UBXN8: variants seen among roughly 807,000 people sequenced by gnomAD.
The protein encoded by UBXN8 is UBX domain-containing protein 8.
In UBXN8, 27 loss-of-function variants were observed where a neutral mutation model predicts 32.1. That is an observed-to-expected ratio of 0.84 (90% confidence interval 0.62 to 1.16). UBXN8 has a LOEUF of 1.16. UBXN8 is among the 50% of genes most tolerant of loss of function. The pLI is 0.00. For synonymous variants in UBXN8, 109 were observed against 111.8 expected (o/e 0.98, Z 0.16); for missense variants, 306 against 311.4 (o/e 0.98, Z 0.13).
At chr8:30,758,597 A>T (rs954341095) in intron 5 of UBXN8, among the ~76,000 whole-genome samples, 3 of 152,174 alleles carry the variant, frequency 2.0e-5, no homozygotes, top group Non-Finnish European at 4.4e-5. Context: ...CATAGTGGAG[A>T]TTGAGCAGGG....
chr8:30,750,405 G>A (rs1805488318), intron 1 of UBXN8, among the ~76,000 whole-genome samples: 1 of 152,158 alleles, frequency 6.6e-6, no homozygotes, highest in African/African-American at 2.4e-5. Flanking sequence ...GCCCCAGGAG[G>A]TTGAGGCTGC....
chr8:30,755,065 C>T (rs1292942997), intron 4 of UBXN8, among the ~76,000 whole-genome samples: 1 of 149,818 alleles, frequency 6.7e-6, no homozygotes. Flanking sequence ...ATGCCATTCT[C>T]CTGCCTCAGC....
At chr8:30,736,937 C>G (rs940883519) in intron 1 of UBXN8, among the ~76,000 whole-genome samples, 1 of 152,162 alleles carries the variant, frequency 6.6e-6, no homozygotes, top group Non-Finnish European at 1.5e-5. Context: ...CCCTGTCTCC[C>G]TCCCCCAAGA....
chr8:30,760,443 A>ATATTTTTTT (rs1196366158), intron 5 of UBXN8, among the ~76,000 whole-genome samples: 25 of 91,092 alleles, frequency 2.7e-4, no homozygotes, highest in African/African-American at 8.7e-4. Context: ...ATATATATAT[A>ATATTTTTTT]TTTTTTTTTT....
upstream of UBXN8, among the ~76,000 whole-genome samples, chr8:30,729,557 G>A (rs982046364): frequency 2.0e-5 from 3 of 152,172 alleles, no homozygotes; most frequent in Non-Finnish European, 4.4e-5. Context: ...GTGCGTGTGT[G>A]CCCTTTTTAC....
chr8:30,760,334 T>TA (rs1012210550), intron 5 of UBXN8, among the ~76,000 whole-genome samples: 2 of 150,276 alleles, frequency 1.3e-5, no homozygotes, highest in African/African-American at 4.9e-5. Flanking sequence ...GTGTCGGGAT[T>TA]ACAGGCATGA....
upstream of UBXN8, among the ~76,000 whole-genome samples, chr8:30,741,602 C>G (rs1158124544): frequency 6.6e-6 from 1 of 151,910 alleles, no homozygotes; most frequent in Admixed American, 6.6e-5. Context: ...CAGGTGTGAG[C>G]CACCATGCCA....
chr8:30,751,349 TA>T (rs774013210), intron 1 of UBXN8, 46 bp from the exon 2 acceptor site: 355 of 1,485,484 alleles, frequency 2.4e-4, no homozygotes, highest in Admixed American at 4.8e-4. Context: ...CCTCATCTCT[TA>T]AAAAAAAAGT....
chr8:30,760,271 C>G (rs1055345090), intron 5 of UBXN8, among the ~76,000 whole-genome samples: 69 of 149,234 alleles, frequency 4.6e-4, no homozygotes, highest in Admixed American at 3.8e-3. Flanking sequence ...ATGTGAGCCA[C>G]GCTGATCATG....
intron 6 of UBXN8, among the ~76,000 whole-genome samples, chr8:30,762,424 C>T (rs1049235841): frequency 6.6e-6 from 1 of 151,538 alleles, no homozygotes; most frequent in African/African-American, 2.4e-5. Context: ...GACTGAGTCT[C>T]ACCGCATTGC....
intron 1 of UBXN8, among the ~76,000 whole-genome samples, chr8:30,746,172 G>A (rs1805352666): frequency 2.0e-5 from 3 of 152,172 alleles, no homozygotes; most frequent in Admixed American, 2.0e-4. Flanking sequence ...TGGGCTCCTG[G>A]CAGCATCTTT....
upstream of UBXN8, chr8:30,744,108 G>T: frequency 7.3e-7 from 1 of 1,369,626 alleles, no homozygotes; most frequent in Non-Finnish European, 1.0e-6. Flanking sequence ...GCCGGCCCGC[G>T]GCAAGAAGAG....
upstream of UBXN8, among the ~76,000 whole-genome samples, chr8:30,731,522 T>C (rs1347310953): frequency 6.6e-6 from 1 of 152,096 alleles, no homozygotes; most frequent in Non-Finnish European, 1.5e-5. Context: ...CACTATCTCT[T>C]TTACAGAGCA....
upstream of UBXN8, chr8:30,732,317 A>C (rs1804979648): frequency 2.5e-6 from 1 of 398,204 alleles, no homozygotes; most frequent in Non-Finnish European, 4.4e-6. Context: ...CGGCACCTGG[A>C]GGACTGTGGG....
chr8:30,737,366 A>T (rs1196828325), intron 1 of UBXN8, among the ~76,000 whole-genome samples: 4 of 152,148 alleles, frequency 2.6e-5, no homozygotes, highest in Non-Finnish European at 4.4e-5. Context: ...CACATAATGG[A>T]GGGCAATCTG....
At chr8:30,755,100 C>T (rs910887618) in intron 4 of UBXN8, among the ~76,000 whole-genome samples, 8 of 151,574 alleles carry the variant, frequency 5.3e-5, no homozygotes, top group African/African-American at 1.5e-4. Context: ...GGACTACAGG[C>T]GCCTGCCACC....
At chr8:30,734,679 C>G (rs1338565235) in intron 1 of UBXN8, among the ~76,000 whole-genome samples, 1 of 152,094 alleles carries the variant, frequency 6.6e-6, no homozygotes, top group African/African-American at 2.4e-5. Context: ...TGGCTCATGC[C>G]TGTAATCCCA....
intron 6 of UBXN8, 118 bp downstream of exon 6, chr8:30,761,047 T>A: frequency 1.4e-6 from 1 of 692,644 alleles, no homozygotes; most frequent in Non-Finnish European, 2.3e-6. Flanking sequence ...TAAGTGTTCA[T>A]GTGATTATAC....
chr8:30,766,147 T>A lies in UBXN8; in HGVS notation c.646-80T>A, dbSNP rs867658429. 3.6e-6 allele frequency: 5 copies of A among 1,397,034 alleles called. No homozygotes were observed. In the South Asian group the frequency reaches 8.3e-5, roughly 23 times the overall value. 86.5% of individuals were successfully genotyped at this position (1,397,034 alleles called of 1,614,324 possible). ...GGATATGATTTTACATTGACAAAAT[T>A]ATAAAATGTTATGGTGGTCTAAAGG... On this transcript the variant is annotated intron_variant, in intron 7 of 7. Transcript: ENST00000265616.
Sources: allele counts gnomAD v4.1 joint callset (sites outside exome capture counted in the v4.1 genomes callset), GRCh38; gene constraint gnomAD v4.1.1; transcripts MANE v1.5; gene names NCBI Gene and HGNC (gene_info 2026-07-23, HGNC 2026-07-21).